DGUOK: variants seen among roughly 807,000 people sequenced by gnomAD.
The protein encoded by DGUOK is deoxyguanosine kinase, mitochondrial.
A neutral mutation model predicts 36.6 loss-of-function variants in DGUOK; 30 were observed. The observed-to-expected ratio is 0.82, with a 90% CI of 0.61 to 1.11. DGUOK has a LOEUF of 1.11. Ranked by LOEUF, DGUOK falls within the 50% of genes most tolerant of loss-of-function variation. The pLI is 0.00. For missense variants in DGUOK, 361 were observed against 336.4 expected (o/e 1.07, Z -0.57); for synonymous variants, 145 against 126.3 (o/e 1.15, Z -0.99).
intron 1 of DGUOK, among the ~76,000 whole-genome samples, chr2:73,936,940 C>T (rs1178043888): frequency 6.6e-6 from 1 of 152,176 alleles, no homozygotes; most frequent in African/African-American, 2.4e-5. Flanking sequence ...TTCATCTAAA[C>T]AGAACCTTGA....
At chr2:73,932,720 C>G in intron 1 of DGUOK, 1 of 1,133,350 alleles carries the variant, frequency 8.8e-7, no homozygotes, top group South Asian at 1.4e-5. Flanking sequence ...TCCTTCTGCT[C>G]TAAGTCCTAT....
chr2:73,939,803 G>A (rs947129426), intron 2 of DGUOK, among the ~76,000 whole-genome samples: 3 of 152,096 alleles, frequency 2.0e-5, no homozygotes, highest in African/African-American at 7.2e-5. Flanking sequence ...TGACTCATTG[G>A]TTCAAGTTCT....
At chr2:73,945,233 C>T (rs1682209084) in intron 2 of DGUOK, among the ~76,000 whole-genome samples, 1 of 152,218 alleles carries the variant, frequency 6.6e-6, no homozygotes, top group African/African-American at 2.4e-5. Flanking sequence ...AGCTTAATGC[C>T]ACTTTCTTTC....
chr2:73,958,600 C>A (rs1573588928), intron 6 of DGUOK, 110 bp from the exon 7 acceptor site: 1 of 921,488 alleles, frequency 1.1e-6, no homozygotes, highest in Non-Finnish European at 1.8e-6. Flanking sequence ...CTATTATTTT[C>A]CTTTCCTCAC....
At chr2:73,930,926 G>A (rs1680982408) in intron 1 of DGUOK, among the ~76,000 whole-genome samples, 1 of 151,280 alleles carries the variant, frequency 6.6e-6, no homozygotes, top group African/African-American at 2.4e-5. Context: ...CTCCCAAGTA[G>A]CTGGGACTAC....
At chr2:73,953,765 C>T (rs1002529708) in intron 4 of DGUOK, among the ~76,000 whole-genome samples, 1 of 131,160 alleles carries the variant, frequency 7.6e-6, no homozygotes, top group South Asian at 2.5e-4. Context: ...GCTCTGTTGC[C>T]CAGGCTGGAG....
intron 1 of DGUOK, among the ~76,000 whole-genome samples, chr2:73,932,198 A>G (rs1681093696): frequency 6.6e-6 from 1 of 152,116 alleles, no homozygotes; most frequent in Admixed American, 6.5e-5. Context: ...GAAAAGGGTG[A>G]TGCGAAGTGG....
At chr2:73,927,976 C>A in intron 1 of DGUOK, among the ~76,000 whole-genome samples, 1 of 152,078 alleles carries the variant, frequency 6.6e-6, no homozygotes, top group Non-Finnish European at 1.5e-5. Context: ...GAGAATACAG[C>A]TGTGAATAGA....
rs140339626 is a variant in DGUOK, at chr2:73,950,509, TTCTC to T, written c.444-65_444-62del. 9.1e-5 allele frequency: 135 copies of T among 1,478,814 alleles called. No individual in the cohort carries two copies. The highest frequency in any genetic ancestry group is 3.1e-4 in the South Asian group (27 of 87,474). 91.6% of individuals were successfully genotyped at this position (1,478,814 alleles called of 1,614,324 possible). ...ACAAGTTGGTTATTGATTTTTCTGC[TTCTC>T]TCTCTCTCTCGTGCCTTTCATTCCA... On this transcript the variant is annotated intron_variant, in intron 3 of 6. Coordinates refer to ENST00000264093, the MANE Select transcript of DGUOK (RefSeq NM_080916.3).
intron 6 of DGUOK, 44 bp from the exon 7 acceptor site, chr2:73,958,666 G>A (rs1298359122): frequency 1.3e-6 from 2 of 1,573,842 alleles, no homozygotes; most frequent in Admixed American, 1.7e-5. Context: ...TGAAAATTCT[G>A]TTAAAAATGT....
intron 2 of DGUOK, among the ~76,000 whole-genome samples, chr2:73,945,206 C>T (rs1573543747): frequency 6.6e-6 from 1 of 152,216 alleles, no homozygotes; most frequent in South Asian, 2.1e-4. Context: ...GAGAATTCTA[C>T]TCATCAGTTA....
At chr2:73,941,047 A>G (rs559899118) in intron 2 of DGUOK, among the ~76,000 whole-genome samples, 111 of 152,360 alleles carry the variant, frequency 7.3e-4, no homozygotes, top group Admixed American at 1.4e-3. Flanking sequence ...AATAGAAAGT[A>G]GCAAAAATAA....
chr2:73,950,516 T>G, intron 3 of DGUOK, 69 bp from the exon 4 acceptor site: 1 of 1,546,694 alleles, frequency 6.5e-7, no homozygotes, highest in Non-Finnish European at 8.9e-7. Context: ...TGCTTCTCTC[T>G]CTCTCTCGTG....
intron 3 of DGUOK, chr2:73,947,198 C>T (rs1037870957): frequency 5.1e-5 from 22 of 429,594 alleles, no homozygotes; most frequent in African/African-American, 3.6e-4. Flanking sequence ...TGGTAGCCAC[C>T]TAATGTAACC....
chr2:73,931,911 G>A (rs1272350078), intron 1 of DGUOK, among the ~76,000 whole-genome samples: 1 of 152,138 alleles, frequency 6.6e-6, no homozygotes, highest in African/African-American at 2.4e-5. Flanking sequence ...GACAGGATGT[G>A]GTGGCCACTT....
intron 2 of DGUOK, among the ~76,000 whole-genome samples, chr2:73,945,658 G>A (rs1307880422): frequency 6.6e-6 from 1 of 152,132 alleles, no homozygotes; most frequent in Middle Eastern, 3.2e-3. Context: ...CATCCACACA[G>A]GCCTTCAGTG....
intron 3 of DGUOK, among the ~76,000 whole-genome samples, chr2:73,947,327 G>A (rs1331995076): frequency 6.6e-6 from 1 of 151,676 alleles, no homozygotes; most frequent in Admixed American, 6.6e-5. Flanking sequence ...TAAAATTTGT[G>A]TTCCTGAAAA....
chr2:73,927,156 CCT>C, intron 1 of DGUOK, 104 bp downstream of exon 1: 2 of 1,506,152 alleles, frequency 1.3e-6, no homozygotes, highest in South Asian at 1.2e-5. Flanking sequence ...ATGCGGCCGG[CCT>C]CTTTTTCTGG....
At chr2:73,941,781 G>T (rs1037995943) in intron 2 of DGUOK, among the ~76,000 whole-genome samples, 9 of 151,860 alleles carry the variant, frequency 5.9e-5, no homozygotes, top group Non-Finnish European at 1.2e-4. Flanking sequence ...TTGTTCTTTA[G>T]TGAATTGCCT....
Sources: gnomAD v4.1 joint callset for allele counts (sites outside exome capture counted in the v4.1 genomes callset) on GRCh38, gnomAD v4.1.1 for gene constraint, MANE v1.5 for transcripts, NCBI Gene and HGNC (gene_info 2026-07-23, HGNC 2026-07-21) for gene names.